The following PPP1R9A variants were observed in gnomAD, a reference collection of about 807,000 sequenced individuals.
The protein encoded by PPP1R9A is protein phosphatase 1 regulatory subunit 9A, also known as neurabin-1.
In PPP1R9A, 59 loss-of-function variants were observed where a neutral mutation model predicts 141.9. The observed-to-expected ratio is 0.42, with a 90% CI of 0.34 to 0.52. PPP1R9A has a LOEUF of 0.52. Among genes scored for constraint, PPP1R9A ranks in the 20% least tolerant of loss-of-function variants. PPP1R9A has a pLI of 0.10. For missense variants in PPP1R9A, 1,444 were observed against 1,611.9 expected (o/e 0.90, Z 1.78); for synonymous variants, 500 against 569.7 (o/e 0.88, Z 1.74).
chr7:95,239,258 A>G (rs1251542594), intron 8 of PPP1R9A, among the ~76,000 whole-genome samples: 1 of 152,198 alleles, frequency 6.6e-6, no homozygotes, highest in Non-Finnish European at 1.5e-5. Flanking sequence ...TTGAAAGTAC[A>G]TAAAATATGA....
chr7:95,133,513 T>TTTTATATATA (rs1438772952), intron 4 of PPP1R9A, among the ~76,000 whole-genome samples: 10 of 132,692 alleles, frequency 7.5e-5, no homozygotes, highest in Admixed American at 1.5e-4. Context: ...TGCAGTCGTA[T>TTTTATATATA]TATATATATA....
chr7:95,154,624 C>T (rs916313856), intron 4 of PPP1R9A: 1 of 152,002 alleles, frequency 6.6e-6, no homozygotes, highest in African/African-American at 2.4e-5. Context: ...TATCTTAGCT[C>T]CTTAAAATTC....
At chr7:95,139,355 A>G (rs1317529166) in intron 4 of PPP1R9A, among the ~76,000 whole-genome samples, 8 of 152,180 alleles carry the variant, frequency 5.3e-5, no homozygotes, top group Non-Finnish European at 1.5e-5. Context: ...AACCAGCCCC[A>G]TGATTCAATT....
rs1255653993 is a variant in PPP1R9A at position 95,247,506 on chromosome 7, A to T, written c.2146A>T (p.Ile716Phe). Residue 716 changes from isoleucine (I) to phenylalanine (F), a missense_variant, in exon 9 of 20, where the codon ATT becomes TTT. This residue lies in a region of PPP1R9A where 488 missense variants were observed against 542.0 expected (regional missense o/e 0.90). Coordinates refer to ENST00000433360, the MANE Select transcript of PPP1R9A (RefSeq NM_001166160.2). ...QIKHAVTEAEIQKLKTKLQAA... is the reference protein window; with the variant it reads ...QIKHAVTEAEFQKLKTKLQAA... ...CAAACATGCAGTTACAGAAGCAGAG[A>T]TTCAAAAATTGAAGACCAAGGTAAG... 1 of 1,609,406 alleles carries T rather than the reference A, an allele frequency of 6.2e-7. No homozygotes were observed. The highest frequency in any genetic ancestry group is 2.2e-5 in the East Asian group (1 of 44,748).
intron 2 of PPP1R9A, among the ~76,000 whole-genome samples, chr7:95,023,393 C>A (rs559837799): frequency 6.6e-6 from 1 of 151,850 alleles, no homozygotes; most frequent in Non-Finnish European, 1.5e-5. Flanking sequence ...GTCTGGCTAG[C>A]GGTCTATTTT....
intron 2 of PPP1R9A, among the ~76,000 whole-genome samples, chr7:94,993,088 GT>G (rs891173394): frequency 4.1e-5 from 6 of 146,826 alleles, no homozygotes; most frequent in East Asian, 4.0e-4. Flanking sequence ...TATGTGTATG[GT>G]TTTTTTTTTC....
intron 2 of PPP1R9A, among the ~76,000 whole-genome samples, chr7:95,027,419 G>A (rs1444657917): frequency 1.3e-5 from 2 of 152,126 alleles, no homozygotes; most frequent in East Asian, 3.9e-4. Flanking sequence ...TGCACCCACT[G>A]TCTAACCAGT....
At chr7:95,208,775 A>G (rs1231787899) in intron 7 of PPP1R9A, among the ~76,000 whole-genome samples, 1 of 152,022 alleles carries the variant, frequency 6.6e-6, no homozygotes, top group Admixed American at 6.6e-5. Flanking sequence ...AGCCACTAAG[A>G]AAACTGACTA....
At chr7:95,244,782 A>G (rs1345238271) in intron 8 of PPP1R9A, among the ~76,000 whole-genome samples, 4 of 152,142 alleles carry the variant, frequency 2.6e-5, no homozygotes, top group Non-Finnish European at 5.9e-5. Flanking sequence ...AGTTATTCAG[A>G]TCATTCTTTC....
intron 2 of PPP1R9A, among the ~76,000 whole-genome samples, chr7:94,930,270 A>T (rs557563207): frequency 9.2e-5 from 14 of 152,186 alleles, no homozygotes; most frequent in Non-Finnish European, 1.6e-4. Context: ...GAGTTTGAGA[A>T]ATAGCGCTTC....
chr7:95,226,568 A>G (rs1795171222), intron 8 of PPP1R9A, among the ~76,000 whole-genome samples: 1 of 152,204 alleles, frequency 6.6e-6, no homozygotes, highest in Non-Finnish European at 1.5e-5. Flanking sequence ...AACAGAGTTA[A>G]TAGTACTAAC....
At chr7:95,203,594 C>A in intron 6 of PPP1R9A, 71 bp from the exon 7 acceptor site, 1 of 1,185,604 alleles carries the variant, frequency 8.4e-7, no homozygotes, top group Non-Finnish European at 1.2e-6. Context: ...CAGTGTTTTT[C>A]AATCCTTTAT....
intron 16 of PPP1R9A, among the ~76,000 whole-genome samples, chr7:95,274,679 A>G (rs1367364446): frequency 6.6e-6 from 1 of 152,194 alleles, no homozygotes; most frequent in Non-Finnish European, 1.5e-5. Context: ...CTTAGTCTTC[A>G]GTAAAGACCT....
chr7:95,051,203 G>A (rs1197805875), intron 2 of PPP1R9A, among the ~76,000 whole-genome samples: 1 of 151,536 alleles, frequency 6.6e-6, no homozygotes, highest in Non-Finnish European at 1.5e-5. Flanking sequence ...TTTCGAATAG[G>A]GATGTCCAGT....
intron 5 of PPP1R9A, among the ~76,000 whole-genome samples, chr7:95,173,686 T>C (rs1213526310): frequency 6.6e-6 from 1 of 152,092 alleles, no homozygotes; most frequent in Non-Finnish European, 1.5e-5. Flanking sequence ...ATGGAGTTTT[T>C]AAATGTGCAA....
chr7:95,266,267 A>G (rs185010990), intron 12 of PPP1R9A, among the ~76,000 whole-genome samples: 198 of 152,184 alleles, frequency 1.3e-3, no homozygotes, highest in African/African-American at 4.3e-3. Context: ...TATTAAACCA[A>G]CCAGACCAAA....
At chr7:95,085,656 C>T (rs1816523632) in intron 2 of PPP1R9A, among the ~76,000 whole-genome samples, 1 of 151,494 alleles carries the variant, frequency 6.6e-6, no homozygotes. Context: ...CTCAAGTGAT[C>T]CACCTGCCTT....
intron 4 of PPP1R9A, 77 bp from the exon 5 acceptor site, chr7:95,161,790 T>A (rs1382564486): frequency 1.1e-6 from 1 of 934,542 alleles, no homozygotes; most frequent in Non-Finnish European, 1.6e-6. Context: ...TTTTGTCAAC[T>A]GATTTGTTGG....
intron 5 of PPP1R9A, among the ~76,000 whole-genome samples, chr7:95,188,661 C>G (rs1196654385): frequency 6.8e-6 from 1 of 148,128 alleles, no homozygotes; most frequent in Non-Finnish European, 1.5e-5. Flanking sequence ...TGCAGTGGTG[C>G]AATCTCGGCT....
Sources: allele counts gnomAD v4.1 joint callset (sites outside exome capture counted in the v4.1 genomes callset), GRCh38; gene constraint gnomAD v4.1.1; regional missense constraint gnomAD v4.1.1; transcripts MANE v1.5; gene names NCBI Gene and HGNC (gene_info 2026-07-23, HGNC 2026-07-21).